Variants in ECHDC2 observed in about 807,000 individuals in gnomAD.
The protein encoded by ECHDC2 is enoyl-CoA hydratase domain-containing protein 2, mitochondrial.
Under a neutral mutation model 40.6 loss-of-function variants are expected in ECHDC2, and 34 were observed. That is an observed-to-expected ratio of 0.84 (90% CI 0.64 to 1.11). The LOEUF (loss-of-function observed/expected upper bound fraction) is 1.11. Among genes scored for constraint, ECHDC2 ranks in the 50% most tolerant of loss-of-function variants. ECHDC2 has a pLI of 0.00. For missense variants in ECHDC2, 392 were observed against 400.7 expected, an observed-to-expected ratio of 0.98 and a Z score of 0.19; for synonymous variants, 162 against 166.6, an observed-to-expected ratio of 0.97 and a Z score of 0.21.
intron 1 of ECHDC2, chr1:52,920,744 T>TAA (rs377364432): frequency 0.019 from 8,405 of 453,596 alleles, 539 homozygotes; most frequent in African/African-American, 0.15. Flanking sequence ...AAACTTTTGT[T>TAA]AAAAAAAAAA....
chr1:52,918,545 G>A (rs1266227995), intron 1 of ECHDC2, among the ~76,000 whole-genome samples: 1 of 152,010 alleles, frequency 6.6e-6, no homozygotes, highest in Non-Finnish European at 1.5e-5. Flanking sequence ...TCGTGTGTGT[G>A]CTTGTGTCTT....
rs1455676747 is a variant in ECHDC2 at position 52,907,802 on chromosome 1, G to T, written c.364+66C>A. 5.2e-6 allele frequency: 7 copies of T among 1,346,056 alleles called. No homozygotes were observed. The African/African-American group carries it at 8.7e-5, about 17-fold the overall frequency. 83.4% of individuals were successfully genotyped at this position (1,346,056 alleles called of 1,614,324 possible). A position where few individuals can be genotyped will look rare whatever the true frequency, so the allele number is the denominator to read the frequency against. ...AAGACTCTCCTTAGATGCTGGTGGGGGTAGCGGGACTGTCATCGGCAGGGA... is the reference window on the plus strand; with the variant it reads ...AAGACTCTCCTTAGATGCTGGTGGGTGTAGCGGGACTGTCATCGGCAGGGA... On this transcript the variant is annotated intron_variant, in intron 4 of 9. Transcript: ENST00000371522.
intron 1 of ECHDC2, among the ~76,000 whole-genome samples, chr1:52,917,100 A>G (rs1248722781): frequency 6.6e-6 from 1 of 152,078 alleles, no homozygotes; most frequent in Non-Finnish European, 1.5e-5. Context: ...GCACACACCT[A>G]TAATCCCAGC....
At chr1:52,897,090 A>T in intron 9 of ECHDC2, 1 of 399,616 alleles carries the variant, frequency 2.5e-6, no homozygotes, top group Admixed American at 3.6e-5. Context: ...CACAGCCTGC[A>T]GGCTACAACC....
intron 3 of ECHDC2, 47 bp downstream of exon 3, chr1:52,911,519 G>A: frequency 6.3e-7 from 1 of 1,587,966 alleles, no homozygotes; most frequent in Non-Finnish European, 8.6e-7. Flanking sequence ...CCTGGAGGCT[G>A]GTGGGCACCC....
intron 3 of ECHDC2, among the ~76,000 whole-genome samples, chr1:52,910,418 GAGTGCAGTGGCGTGATCTCAGCTC>G (rs1649175618): frequency 7.7e-6 from 1 of 129,110 alleles, no homozygotes; most frequent in Admixed American, 1.0e-4. Context: ...ACCCAGGCTG[GAGTGCAGTGGCGTGATCTCAGCTC>G]ACTGTAACCT....
chr1:52,919,600 G>T (rs1280963754), intron 1 of ECHDC2, among the ~76,000 whole-genome samples: 1 of 152,180 alleles, frequency 6.6e-6, no homozygotes, highest in Non-Finnish European at 1.5e-5. Flanking sequence ...GAGAAATAAA[G>T]CCGCTAAGAA....
intron 1 of ECHDC2, among the ~76,000 whole-genome samples, chr1:52,917,320 A>G (rs1454584089): frequency 1.3e-5 from 2 of 152,152 alleles, no homozygotes; most frequent in Admixed American, 6.5e-5. Flanking sequence ...GCCCGGAAAC[A>G]AGGAGGATTT....
intron 7 of ECHDC2, chr1:52,899,850 G>A (rs1176107781): frequency 2.6e-5 from 4 of 152,710 alleles, no homozygotes; most frequent in African/African-American, 9.7e-5. Flanking sequence ...CCACATAGAA[G>A]CAACAGTGTC....
intron 7 of ECHDC2, chr1:52,901,808 G>T (rs932656614): frequency 3.6e-4 from 55 of 152,208 alleles, no homozygotes; most frequent in Middle Eastern, 3.4e-3. Flanking sequence ...AGTATATTTG[G>T]AAATCTGAAT....
chr1:52,903,946 T>C (rs1273944820), intron 7 of ECHDC2, among the ~76,000 whole-genome samples: 1 of 151,762 alleles, frequency 6.6e-6, no homozygotes, highest in Admixed American at 6.6e-5. Flanking sequence ...GCCTCCTGAG[T>C]AGCTGGGATT....
chr1:52,914,176 C>A lies in ECHDC2; in HGVS notation c.122-2386G>T. 2.2e-6 allele frequency: 1 copy of A among 447,490 alleles called. No individual in the cohort carries two copies. Among genetic ancestry groups the A allele is most frequent in the Non-Finnish European group, 4.5e-6 (1 of 224,626 alleles). 27.7% of individuals were successfully genotyped at this position (447,490 alleles called of 1,614,324 possible). On this transcript the variant is annotated intron_variant, in intron 1 of 9. Coordinates refer to ENST00000371522, the MANE Select transcript of ECHDC2 (RefSeq NM_001198961.2). The surrounding 1 kb of genome is among the most constrained non-coding windows in gnomAD (Gnocchi z 4.0). ...AAAGGACAAACAAGTAAGGGGCCTCCAGTGGGCAGAGGGGAGCCCTAGTAT... is the reference window on the plus strand; with the variant it reads ...AAAGGACAAACAAGTAAGGGGCCTCAAGTGGGCAGAGGGGAGCCCTAGTAT...
chr1:52,904,528 AAG>A, intron 7 of ECHDC2, 116 bp downstream of exon 7: 1 of 923,612 alleles, frequency 1.1e-6, no homozygotes, highest in Non-Finnish European at 1.5e-6. Context: ...ACAAACTCCA[AAG>A]AGGGTTAATC....
In ECHDC2 at chr1:52,912,055, A is replaced by G; in HGVS notation, c.122-265T>C. ...CAAAATGGGGAGAGGAACAACAGTG[A>G]CTACCACAGTAGCCCTTGCCTGCTT... On this transcript the variant is annotated intron_variant, in intron 1 of 9. Transcript: ENST00000371522. 8 of 1,390,882 alleles carry G rather than the reference A, an allele frequency of 5.8e-6. No individual in the cohort carries two copies. The South Asian group carries it at 1.3e-4, about 22-fold the overall frequency. The allele number at this position is 1,390,882 out of a possible 1,614,324, so 86.2% of individuals were successfully genotyped here.
intron 1 of ECHDC2, chr1:52,915,022 C>T (rs1161052313): frequency 5.8e-6 from 2 of 344,850 alleles, no homozygotes; most frequent in African/African-American, 4.3e-5. Context: ...TTAATACCGA[C>T]CATAAGGCCC....
At chr1:52,901,196 T>G (rs1571917784) in intron 7 of ECHDC2, 3 of 149,026 alleles carry the variant, frequency 2.0e-5, no homozygotes, top group Admixed American at 1.3e-4. Flanking sequence ...ATAAATAAAG[T>G]AACCTTTTAT....
intron 1 of ECHDC2, 197 bp downstream of exon 1, chr1:52,921,356 C>T: frequency 7.6e-7 from 1 of 1,309,868 alleles, no homozygotes; most frequent in Non-Finnish European, 9.9e-7. Context: ...AGAGGCCCCC[C>T]GCCCCCAGCT....
chr1:52,915,036 C>G, intron 1 of ECHDC2: 1 of 346,586 alleles, frequency 2.9e-6, no homozygotes, highest in South Asian at 2.2e-5. Context: ...AAGGCCCCCC[C>G]AATCTGACTC....
At chr1:52,919,501 C>T (rs773507114) in intron 1 of ECHDC2, among the ~76,000 whole-genome samples, 13 of 152,160 alleles carry the variant, frequency 8.5e-5, no homozygotes, top group Non-Finnish European at 1.5e-4. Flanking sequence ...TGTGTAGGTG[C>T]ACTCTGTGAT....
Sources: allele counts gnomAD v4.1 joint callset (sites outside exome capture counted in the v4.1 genomes callset), GRCh38; gene constraint gnomAD v4.1.1; non-coding constraint Gnocchi (gnomAD v3.1); transcripts MANE v1.5; gene names NCBI Gene and HGNC (gene_info 2026-07-23, HGNC 2026-07-21).